The following FSHR variants were observed in gnomAD, a reference collection of about 807,000 sequenced individuals.
The protein encoded by FSHR is follicle stimulating hormone receptor, also known as follicle-stimulating hormone receptor.
Under a neutral mutation model 52.1 loss-of-function variants are expected in FSHR, and 46 were observed. The observed-to-expected ratio is 0.88, with a 90% confidence interval of 0.70 to 1.13. FSHR has a LOEUF of 1.13. FSHR is among the 50% of genes most tolerant of loss of function. FSHR has a pLI of 0.00. For missense variants in FSHR, 964 were observed against 834.6 expected, an observed-to-expected ratio of 1.16 and a Z score of -1.91; for synonymous variants, 399 against 309.6, an observed-to-expected ratio of 1.29 and a Z score of -3.03.
chr2:48,968,782 G>C lies in FSHR; in HGVS notation c.770C>G (p.Thr257Ser). 1.2e-6 allele frequency: 2 copies of C among 1,614,150 alleles called. No homozygotes were observed. The highest frequency in any genetic ancestry group is 1.7e-6 in the Non-Finnish European group (2 of 1,180,016). Residue 257 changes from threonine to serine, a missense_variant, in exon 9 of 10, where the codon ACT (threonine) becomes AGT (serine). Coordinates refer to ENST00000406846, the MANE Select transcript of FSHR (RefSeq NM_000145.4). ...CATGAGGGCGACAAGCTTTTCCAGA[G>C]TAGGCAGCTTTTTTAAGTTGTAAGT... The part of the protein sequence containing the change: ...RSTYNLKKLP[T>S]LEKLVALMEA...
intron 2 of FSHR, among the ~76,000 whole-genome samples, chr2:49,060,930 C>T (rs1669266746): frequency 6.6e-6 from 1 of 152,100 alleles, no homozygotes; most frequent in African/African-American, 2.4e-5. Context: ...GGTCTATGGT[C>T]ACTACTGCAA....
chr2:49,042,479 G>A (rs753172359), intron 2 of FSHR, among the ~76,000 whole-genome samples: 1 of 152,170 alleles, frequency 6.6e-6, no homozygotes, highest in Admixed American at 6.5e-5. Flanking sequence ...ATTTGACAAA[G>A]GTGGGAGTCA....
At chr2:49,105,324 A>T (rs1157709678) in intron 1 of FSHR, among the ~76,000 whole-genome samples, 3 of 151,542 alleles carry the variant, frequency 2.0e-5, no homozygotes, top group Non-Finnish European at 4.4e-5. Context: ...GCACTGATAA[A>T]CTCCCCTCCT....
chr2:48,995,217 G>C (rs1405883405), intron 4 of FSHR, among the ~76,000 whole-genome samples: 1 of 152,130 alleles, frequency 6.6e-6, no homozygotes, highest in Non-Finnish European at 1.5e-5. Flanking sequence ...GGCAGACACA[G>C]TGTGCCGGTT....
intron 1 of FSHR, among the ~76,000 whole-genome samples, chr2:49,098,288 A>T (rs1304227230): frequency 6.6e-6 from 1 of 152,170 alleles, no homozygotes; most frequent in Non-Finnish European, 1.5e-5. Flanking sequence ...TGGAGTAAAC[A>T]TGCATAAAAA....
chr2:49,097,128 T>G (rs1250438237), intron 1 of FSHR, among the ~76,000 whole-genome samples: 1 of 152,246 alleles, frequency 6.6e-6, no homozygotes, highest in Non-Finnish European at 1.5e-5. Flanking sequence ...GAATCCATGG[T>G]CATTTGCTTT....
chr2:48,988,404 A>G (rs1236718514), intron 6 of FSHR, among the ~76,000 whole-genome samples: 1 of 152,220 alleles, frequency 6.6e-6, no homozygotes, highest in Non-Finnish European at 1.5e-5. Context: ...TTGTGAGTGG[A>G]TAAACTGCTA....
chr2:49,066,469 C>T (rs1212336857), intron 2 of FSHR, among the ~76,000 whole-genome samples: 2 of 152,034 alleles, frequency 1.3e-5, no homozygotes, highest in African/African-American at 4.8e-5. Flanking sequence ...ATACGCAAGT[C>T]TCCTCAGGTT....
At position 49,068,225 on chromosome 2, in the gene FSHR, T is replaced by C. The variant is rs897747407; in HGVS notation, c.218A>G (p.Glu73Gly). Residue 73 changes from glutamate to glycine, a missense_variant, in exon 2 of 10, where the codon GAG becomes GGG. Physicochemically the swap from Glu to Gly is moderately conservative, Grantham distance 98. Coordinates refer to ENST00000406846, the MANE Select transcript of FSHR (RefSeq NM_000145.4). Reference protein sequence around the residue: ...KGAFSGFGDLEKIEISQNDVL... With the variant: ...KGAFSGFGDLGKIEISQNDVL... ...AGCAGTGCTAGGTACATACATTTTC[T>C]CCAGGTCCCCAAATCCTGAAAATGC... The C allele has an allele frequency of 6.2e-7, 1 of 1,610,518 alleles. No homozygotes were observed. The highest frequency in any genetic ancestry group is 8.5e-7 in the Non-Finnish European group (1 of 1,178,264).
Position 49,017,368 on chromosome 2 carries a change from GC to G in FSHR, c.374+120del, listed in dbSNP as rs368608509. 1,069 of 711,756 alleles carry G rather than the reference GC, an allele frequency of 1.5e-3. 16 individuals are homozygous for G. In the African/African-American group the frequency reaches 0.018, roughly 12 times the overall value. The allele number at this position is 711,756 out of a possible 1,614,324, so 44.1% of individuals were successfully genotyped here. A position where few individuals can be genotyped will look rare whatever the true frequency, so the allele number is the denominator to read the frequency against. On this transcript the variant is annotated intron_variant, in intron 4 of 9. Transcript: ENST00000406846. ...CAAGTATCTCTCCACCTCCACTTCT[GC>G]CCCCCACCACCATCCTTGATCAAAA...
rs564228714 is a variant in FSHR, at chr2:49,046,905, C to T, written c.224+21314G>A. Among the ~76,000 whole-genome samples the T allele has an allele frequency of 4.6e-5, 7 of 152,316 alleles. No individual in the cohort carries two copies. In the South Asian group the frequency reaches 1.2e-3, roughly 27 times the overall value. ...GGAAGCTCATTAGCTCCACAAGCTT[C>T]ATCCCACAGACATACAGGGACTGAT... is the stretch of plus-strand genomic sequence containing the variant. On this transcript the variant is annotated intron_variant, in intron 2 of 9. Transcript: ENST00000406846.
chr2:49,043,161 G>A (rs1450173384), intron 2 of FSHR, among the ~76,000 whole-genome samples: 1 of 152,086 alleles, frequency 6.6e-6, no homozygotes, highest in Admixed American at 6.6e-5. Context: ...GTTTAAGGAA[G>A]GACTGAGAAA....
At chr2:48,964,616 G>A (rs1479184984) in intron 9 of FSHR, among the ~76,000 whole-genome samples, 4 of 152,156 alleles carry the variant, frequency 2.6e-5, no homozygotes, top group Non-Finnish European at 2.9e-5. Context: ...TGCAAGGTAA[G>A]CCTGGCTCTC....
intron 2 of FSHR, among the ~76,000 whole-genome samples, chr2:49,066,714 A>G (rs922035537): frequency 2.0e-5 from 3 of 152,102 alleles, no homozygotes; most frequent in African/African-American, 7.2e-5. Flanking sequence ...GTATTGCCAC[A>G]GGAAGGTTTG....
intron 9 of FSHR, among the ~76,000 whole-genome samples, chr2:48,966,123 T>C (rs1256289190): frequency 6.6e-6 from 1 of 152,182 alleles, no homozygotes; most frequent in Non-Finnish European, 1.5e-5. Context: ...GGAATAATAA[T>C]GATATTACCA....
chr2:49,025,152 G>T (rs1477082689), intron 2 of FSHR, among the ~76,000 whole-genome samples: 1 of 152,140 alleles, frequency 6.6e-6, no homozygotes, highest in Non-Finnish European at 1.5e-5. Context: ...TTGTGTATTC[G>T]CACAGGAGGG....
chr2:49,101,903 G>C (rs139485467), intron 1 of FSHR, among the ~76,000 whole-genome samples: 1 of 152,224 alleles, frequency 6.6e-6, no homozygotes, highest in Non-Finnish European at 1.5e-5. Flanking sequence ...ATAGGACTGA[G>C]TGTGCTAGCT....
At chr2:49,134,700 T>C (rs1239996308) in intron 1 of FSHR, among the ~76,000 whole-genome samples, 1 of 152,152 alleles carries the variant, frequency 6.6e-6, no homozygotes, top group Admixed American at 6.5e-5. Context: ...ATTAAGAAAA[T>C]GTGACACATA....
chr2:48,982,185 G>A (rs766237629), intron 8 of FSHR, among the ~76,000 whole-genome samples: 7 of 152,158 alleles, frequency 4.6e-5, no homozygotes, highest in East Asian at 3.9e-4. Context: ...CACTGATGGC[G>A]AGGTTGTCAG....
Sources: allele counts gnomAD v4.1 joint callset (sites outside exome capture counted in the v4.1 genomes callset), GRCh38; gene constraint gnomAD v4.1.1; transcripts MANE v1.5; gene names NCBI Gene and HGNC (gene_info 2026-07-23, HGNC 2026-07-21).